FZD6: variants seen among roughly 807,000 people sequenced by gnomAD.
The protein encoded by FZD6 is frizzled-6.
Under a neutral mutation model 61.4 loss-of-function variants are expected in FZD6, and 49 were observed. That is an observed-to-expected ratio of 0.80 (90% CI 0.63 to 1.01). The LOEUF (loss-of-function observed/expected upper bound fraction) is 1.01, where lower values mean the gene tolerates loss of function less well. Ranked by LOEUF, FZD6 falls within the 50% of genes least tolerant of loss-of-function variation. The pLI is 0.00. For missense variants in FZD6, 724 were observed against 848.2 expected (o/e 0.85, Z 1.82); for synonymous variants, 265 against 292.2 (o/e 0.91, Z 0.95).
chr8:103,323,159 A>G (rs1301816055), intron 3 of FZD6, among the ~76,000 whole-genome samples: 1 of 152,202 alleles, frequency 6.6e-6, no homozygotes, highest in African/African-American at 2.4e-5. Flanking sequence ...TAAATAATGT[A>G]ATAAAAATAT....
chr8:103,308,131 C>T (rs185776105), intron 2 of FZD6, among the ~76,000 whole-genome samples: 390 of 152,270 alleles, frequency 2.6e-3, no homozygotes, highest in Middle Eastern at 0.01. Context: ...CCACCATGGC[C>T]GTTTTGTTCC....
chr8:103,304,593 C>T lies in FZD6; in HGVS notation c.177+4309C>T, dbSNP rs115141836. Among the ~76,000 whole-genome samples the T allele has an allele frequency of 2.9e-3, 435 of 152,290 alleles. 2 individuals carry two copies. Among genetic ancestry groups the T allele is most frequent in the African/African-American group, 1.0e-2 (415 of 41,560 alleles). On this transcript the variant is annotated intron_variant, in intron 2 of 6. Coordinates refer to ENST00000358755, the MANE Select transcript of FZD6 (RefSeq NM_003506.4). The stretch of plus-strand genomic sequence containing the variant: ...CCATACAGTCTCCGTCACAGCTATT[C>T]AACTTTGAAATTGTAGCACAGAAGC...
chr8:103,300,404 T>A, intron 2 of FZD6, 120 bp downstream of exon 2: 1 of 810,158 alleles, frequency 1.2e-6, no homozygotes, highest in Non-Finnish European at 2.2e-6. Flanking sequence ...CAAGTTGTGT[T>A]TTGAAAAGTC....
intron 2 of FZD6, among the ~76,000 whole-genome samples, chr8:103,309,231 G>C (rs1322070768): frequency 6.6e-6 from 1 of 152,182 alleles, no homozygotes; most frequent in Non-Finnish European, 1.5e-5. Context: ...TCACTCAGGG[G>C]CCACTTGTTG....
rs187745756 is a variant in FZD6 at position 103,327,474 on chromosome 8, T to C, written c.1393-794T>C. 2.9e-3 allele frequency among the ~76,000 whole-genome samples: 434 copies of C among 152,234 alleles called. 3 individuals carry two copies. In the Middle Eastern group the frequency reaches 0.045, roughly 16 times the overall value. On this transcript the variant is annotated intron_variant, in intron 4 of 6. Coordinates refer to ENST00000358755, the MANE Select transcript of FZD6 (RefSeq NM_003506.4). ...AGCCAGGCATGGTGGCGTACACTTG[T>C]AGTCCCAGCTACTTGGGAGGCTGAG...
chr8:103,308,104 A>T (rs1366138065), intron 2 of FZD6, among the ~76,000 whole-genome samples: 1 of 152,106 alleles, frequency 6.6e-6, no homozygotes, highest in Non-Finnish European at 1.5e-5. Flanking sequence ...ATGCTATTGG[A>T]TCTGGGCACT....
At chr8:103,329,206 C>G (rs1269986397) in intron 5 of FZD6, among the ~76,000 whole-genome samples, 2 of 150,894 alleles carry the variant, frequency 1.3e-5, no homozygotes, top group African/African-American at 4.8e-5. Context: ...TATTTATATA[C>G]TCACACTAAT....
At chr8:103,301,803 A>G (rs1030806998) in intron 2 of FZD6, among the ~76,000 whole-genome samples, 1 of 152,210 alleles carries the variant, frequency 6.6e-6, no homozygotes, top group Non-Finnish European at 1.5e-5. Flanking sequence ...CTGTAATTAT[A>G]AGATGGTAGC....
Position 103,332,480 on chromosome 8 carries a change from T to C in FZD6, c.*971T>C, listed in dbSNP as rs1189990470. 1.3e-5 allele frequency: 2 copies of C among 152,230 alleles called. No homozygotes were observed. Among genetic ancestry groups the C allele is most frequent in the African/African-American group, 2.4e-5 (1 of 41,464 alleles). 9.4% of individuals were successfully genotyped at this position (152,230 alleles called of 1,614,324 possible). On this transcript the variant is annotated 3_prime_UTR_variant, in exon 7 of 7. Coordinates refer to ENST00000358755, the MANE Select transcript of FZD6 (RefSeq NM_003506.4). The stretch of plus-strand genomic sequence containing the variant: ...TTTCTCAGACATTTTGTAGAATTCA[T>C]TTCGGCAGCTCACTAGGATTTTGCT...
rs141288802 is a variant in FZD6 at position 103,330,050 on chromosome 8, C to T, written c.1937C>T (p.Ala646Val). 98 of 1,613,506 alleles carry T rather than the reference C, an allele frequency of 6.1e-5. No individual in the cohort carries two copies. Among genetic ancestry groups the T allele is most frequent in the African/African-American group, 2.1e-4 (16 of 74,874 alleles). The change falls in exon 6 of 7, where the codon GCG becomes GTG. Residue 646 changes from alanine to valine, a missense_variant. Physicochemically the swap from Ala to Val is moderately conservative, Grantham distance 64. Coordinates refer to ENST00000358755, the MANE Select transcript of FZD6 (RefSeq NM_003506.4). ...KGQAGSVSESARSEGRISPKS... is the reference protein window; with the variant it reads ...KGQAGSVSESVRSEGRISPKS... The stretch of plus-strand genomic sequence containing the variant: ...CAGGCAGGCAGTGTATCTGAAAGTG[C>T]GCGGAGTGAAGGAAGGTGAGATTTG...
intron 2 of FZD6, among the ~76,000 whole-genome samples, chr8:103,307,217 T>C (rs1376215528): frequency 6.6e-6 from 1 of 152,230 alleles, no homozygotes; most frequent in Non-Finnish European, 1.5e-5. Context: ...CCCCTCTCAA[T>C]TAAAATTCTA....
chr8:103,300,237 A>C lies in FZD6; in HGVS notation c.130A>C (p.Asn44His), dbSNP rs1814119342. 6.2e-7 allele frequency: 1 copy of C among 1,612,070 alleles called. No homozygotes were observed. Among genetic ancestry groups the C allele is most frequent in the Non-Finnish European group, 8.5e-7 (1 of 1,178,180 alleles). Residue 44 changes from asparagine to histidine, a missense_variant, in exon 2 of 7, where the codon AAT (asparagine) becomes CAT (histidine). Asn to His is a moderately conservative substitution (Grantham distance 68). Transcript: ENST00000358755. ...KMAYNMTFFP[N>H]LMGHYDQSIA... ...GGCCTACAACATGACGTTTTTCCCT[A>C]ATCTGATGGGTCATTATGACCAGAG...
In FZD6 at chr8:103,331,446, G is replaced by T. The variant is rs752778111; in HGVS notation, c.2058G>T (p.Leu686=). ...EPSSLKGSTS[L]LVHPVSGVRK... is the part of the protein sequence containing the mutation. Reference sequence around the variant, plus strand: ...GCAGCCTCAAAGGTTCCACATCTCTGCTTGTTCACCCGGTTTCAGGAGTGA... The same window carrying T: ...GCAGCCTCAAAGGTTCCACATCTCTTCTTGTTCACCCGGTTTCAGGAGTGA... The change falls in exon 7 of 7, where the codon CTG becomes CTT. Residue 686 remains leucine, a synonymous_variant. Coordinates refer to ENST00000358755, the MANE Select transcript of FZD6 (RefSeq NM_003506.4). 1 of 1,611,342 alleles carries T rather than the reference G, an allele frequency of 6.2e-7. No individual in the cohort carries two copies. The highest frequency in any genetic ancestry group is 8.5e-7 in the Non-Finnish European group (1 of 1,177,502).
chr8:103,299,427 A>G (rs138557689), intron 1 of FZD6, among the ~76,000 whole-genome samples: 1 of 152,180 alleles, frequency 6.6e-6, no homozygotes, highest in African/African-American at 2.4e-5. Context: ...TGAAAACTGC[A>G]ATGTTGCTCC....
In FZD6 at chr8:103,324,872, G is replaced by C; in HGVS notation, c.766G>C (p.Asp256His). The C allele has an allele frequency of 6.2e-7, 1 of 1,613,816 alleles. No homozygotes were observed. Among genetic ancestry groups the C allele is most frequent in the Non-Finnish European group, 8.5e-7 (1 of 1,179,762 alleles). Reference sequence around the variant, plus strand: ...GTACTTCATTGGATTTTTGCTAGGCGATAGCACAGCCTGCAATAAGGCAGA... The same window carrying C: ...GTACTTCATTGGATTTTTGCTAGGCCATAGCACAGCCTGCAATAAGGCAGA... ...LMYFIGFLLG[D>H]STACNKADEK... The change falls in exon 4 of 7, where the codon GAT becomes CAT. Residue 256 changes from aspartate to histidine, a missense_variant. Asp to His is a moderately conservative substitution (Grantham distance 81, BLOSUM62 -1). Coordinates refer to ENST00000358755, the MANE Select transcript of FZD6 (RefSeq NM_003506.4).
At chr8:103,307,372 T>C (rs772673016) in intron 2 of FZD6, among the ~76,000 whole-genome samples, 1 of 152,176 alleles carries the variant, frequency 6.6e-6, no homozygotes, top group African/African-American at 2.4e-5. Context: ...TGTTTATTCA[T>C]TCAACAAATA....
Position 103,325,479 on chromosome 8 carries a change from A to G in FZD6, c.1373A>G (p.His458Arg). 3 of 1,611,984 alleles carry G rather than the reference A, an allele frequency of 1.9e-6. No homozygotes were observed. The highest frequency in any genetic ancestry group is 2.5e-6 in the Non-Finnish European group (3 of 1,178,054). Residue 458 changes from histidine (H) to arginine (R), a missense_variant, in exon 4 of 7, where the codon CAT becomes CGT. Coordinates refer to ENST00000358755, the MANE Select transcript of FZD6 (RefSeq NM_003506.4). ...GTCTCTGATCATTGTCGTCAGTACC[A>G]TATCCCATGTCCTTATCAGGTAAAA... ...TWVSDHCRQY[H>R]IPCPYQAKAK...
rs143400765 is a variant in FZD6 at position 103,329,013 on chromosome 8, T to TTTTA, written c.1541+598_1541+599insTTAT. 1.1e-3 allele frequency among the ~76,000 whole-genome samples: 127 copies of TTTTA among 115,178 alleles called. 3 individuals carry two copies. In the South Asian group the frequency reaches 0.02, roughly 18 times the overall value. 75.6% of individuals were successfully genotyped at this position (115,178 alleles called of 152,430 possible). ...TATTTATGAGTAATTCATTTTAGTT[T>TTTTA]TATATATATATATATATATGCACAC... On this transcript the variant is annotated intron_variant, in intron 5 of 6. Coordinates refer to ENST00000358755, the MANE Select transcript of FZD6 (RefSeq NM_003506.4).
intron 3 of FZD6, among the ~76,000 whole-genome samples, chr8:103,320,070 G>T (rs553338513): frequency 2.7e-5 from 4 of 150,138 alleles, no homozygotes; most frequent in Non-Finnish European, 3.0e-5. Context: ...AACATCTGTT[G>T]TAACAGTAGG....
Sources: gnomAD v4.1 joint callset for allele counts (sites outside exome capture counted in the v4.1 genomes callset) on GRCh38, gnomAD v4.1.1 for gene constraint, MANE v1.5 for transcripts, NCBI Gene and HGNC (gene_info 2026-07-23, HGNC 2026-07-21) for gene names.